Variants in TC2N observed in about 807,000 individuals in gnomAD.
The protein encoded by TC2N is tandem C2 domains, nuclear.
In TC2N, 51 loss-of-function variants were observed where a neutral mutation model predicts 61.9. That is an observed-to-expected ratio of 0.82 (90% CI 0.66 to 1.04). The LOEUF (loss-of-function observed/expected upper bound fraction) is 1.04, where lower values mean the gene tolerates loss of function less well. Among genes scored for constraint, TC2N ranks in the 50% least tolerant of loss-of-function variants. The pLI is 0.00. For synonymous variants in TC2N, 204 were observed against 192.6 expected (o/e 1.06, Z -0.49); for missense variants, 556 against 566.7 (o/e 0.98, Z 0.19).
intron 1 of TC2N, among the ~76,000 whole-genome samples, chr14:91,820,903 A>G (rs574224301): frequency 1.8e-4 from 28 of 152,194 alleles, no homozygotes; most frequent in Admixed American, 1.1e-3. Context: ...AATGAAGTAC[A>G]AGACTTATAC....
intron 11 of TC2N, 152 bp downstream of exon 11, chr14:91,785,010 G>T: frequency 1.9e-6 from 1 of 533,598 alleles, no homozygotes; most frequent in Non-Finnish European, 3.2e-6. Flanking sequence ...CAAAAAGTCT[G>T]ACAAGTTTCG....
chr14:91,854,195 A>G (rs1015006281), intron 1 of TC2N, among the ~76,000 whole-genome samples: 8 of 152,120 alleles, frequency 5.3e-5, no homozygotes, highest in African/African-American at 1.9e-4. Flanking sequence ...CAGACAGGGT[A>G]CTGGCCTAGA....
Position 91,797,846 on chromosome 14 carries a change from T to G in TC2N, c.794A>C (p.Lys265Thr). 6.2e-7 allele frequency: 1 copy of G among 1,611,564 alleles called. No homozygotes were observed. Among genetic ancestry groups the G allele is most frequent in the Non-Finnish European group, 8.5e-7 (1 of 1,178,534 alleles). The change falls in exon 8 of 12, where the codon AAA becomes ACA. Residue 265 changes from lysine (K) to threonine (T), a missense_variant. Transcript: ENST00000435962. ...SYGDTPTVSI[K>T]GILTLPKPVH... ...TGGTTTGGGCAATGTAAGTATTCCT[T>G]TTATAGAAACAGTAGGAGTGTCTCC...
chr14:91,852,207 C>G lies in TC2N; in HGVS notation c.-57+15055G>C, dbSNP rs778842603. ...CTTTGGGAGGCCGAGGCGGGCAGATCACCTGAGGTTGGGAATTTGAGACCA... is the reference window on the plus strand; with the variant it reads ...CTTTGGGAGGCCGAGGCGGGCAGATGACCTGAGGTTGGGAATTTGAGACCA... On this transcript the variant is annotated intron_variant, in intron 1 of 11. Coordinates refer to ENST00000435962, the MANE Select transcript of TC2N (RefSeq NM_001128596.3). Among the ~76,000 whole-genome samples the G allele has an allele frequency of 2.6e-5, 4 of 152,206 alleles. No individual in the cohort carries two copies. The East Asian group carries it at 7.7e-4, about 29-fold the overall frequency.
chr14:91,836,628 G>GCGGGGAAGGGCGAGGCAGA, intron 1 of TC2N: 1 of 129,080 alleles, frequency 7.7e-6, no homozygotes, highest in African/African-American at 2.8e-5. Context: ...GGCGAGGCAG[G>GCGGGGAAGGGCGAGGCAGA]GCGGGGCAGG....
chr14:91,835,768 G>GT (rs1379776496), intron 1 of TC2N, among the ~76,000 whole-genome samples: 2 of 152,200 alleles, frequency 1.3e-5, no homozygotes, highest in Admixed American at 1.3e-4. Context: ...AACATCACAG[G>GT]TAAAAACCCT....
intron 10 of TC2N, among the ~76,000 whole-genome samples, chr14:91,786,177 G>A (rs1478210523): frequency 6.6e-6 from 1 of 152,178 alleles, no homozygotes; most frequent in African/African-American, 2.4e-5. Context: ...ATCCTGATAA[G>A]CTGTTTTAAG....
chr14:91,848,318 T>A (rs1035242889), intron 1 of TC2N, among the ~76,000 whole-genome samples: 8 of 152,092 alleles, frequency 5.3e-5, no homozygotes, highest in African/African-American at 1.9e-4. Flanking sequence ...CCCGGGCACA[T>A]AACTAAGAGA....
chr14:91,860,874 C>T (rs181377948), intron 1 of TC2N, among the ~76,000 whole-genome samples: 2 of 152,294 alleles, frequency 1.3e-5, no homozygotes, highest in Admixed American at 6.5e-5. Context: ...CTGTAATCTG[C>T]GAATCTGTGA....
intron 1 of TC2N, among the ~76,000 whole-genome samples, chr14:91,845,161 G>A (rs1319256565): frequency 6.6e-6 from 1 of 152,082 alleles, no homozygotes; most frequent in South Asian, 2.1e-4. Context: ...CCGGGAGATG[G>A]AGGTTGCAGT....
chr14:91,828,075 G>A (rs1438348003), intron 1 of TC2N, among the ~76,000 whole-genome samples: 3 of 151,744 alleles, frequency 2.0e-5, no homozygotes, highest in Non-Finnish European at 2.9e-5. Context: ...TTCTTGCATC[G>A]CCAACTGTTC....
chr14:91,830,936 T>C (rs1405739785), intron 1 of TC2N, among the ~76,000 whole-genome samples: 1 of 152,156 alleles, frequency 6.6e-6, no homozygotes, highest in Non-Finnish European at 1.5e-5. Flanking sequence ...CAGCCCTTTG[T>C]GGTCCCAGAA....
At chr14:91,801,567 T>C (rs1233984120) in intron 4 of TC2N, among the ~76,000 whole-genome samples, 1 of 152,118 alleles carries the variant, frequency 6.6e-6, no homozygotes, top group Non-Finnish European at 1.5e-5. Context: ...GCAGGGGTGA[T>C]GGGGAGCTGA....
chr14:91,847,371 G>T (rs1888291800), intron 1 of TC2N, among the ~76,000 whole-genome samples: 1 of 152,146 alleles, frequency 6.6e-6, no homozygotes, highest in Non-Finnish European at 1.5e-5. Context: ...ACTGCATCTA[G>T]GCTAACCATA....
At chr14:91,798,603 T>A (rs1000867409) in intron 6 of TC2N, among the ~76,000 whole-genome samples, 9 of 152,042 alleles carry the variant, frequency 5.9e-5, no homozygotes, top group Non-Finnish European at 1.0e-4. Flanking sequence ...AAAGGTCTCA[T>A]GGTTTTAAAA....
intron 1 of TC2N, among the ~76,000 whole-genome samples, chr14:91,848,219 T>G (rs1888306218): frequency 6.6e-6 from 1 of 152,158 alleles, no homozygotes; most frequent in Admixed American, 6.5e-5. Context: ...GCTTATGGGA[T>G]AGAATGGATG....
intron 1 of TC2N, among the ~76,000 whole-genome samples, chr14:91,864,777 CTTTTT>C (rs5810557): frequency 1.4e-5 from 1 of 70,788 alleles, no homozygotes; most frequent in Non-Finnish European, 3.0e-5. Flanking sequence ...CTGCCTTCAT[CTTTTT>C]TTTTTTTTTT....
chr14:91,785,139 GA>G, intron 11 of TC2N, 22 bp downstream of exon 11: 1 of 1,549,814 alleles, frequency 6.5e-7, no homozygotes, highest in Non-Finnish European at 8.9e-7. Context: ...AAAATATAAG[GA>G]AGGATAAAAA....
intron 1 of TC2N, among the ~76,000 whole-genome samples, chr14:91,865,940 A>T (rs1348953579): frequency 2.0e-5 from 3 of 152,196 alleles, no homozygotes; most frequent in Non-Finnish European, 4.4e-5. Flanking sequence ...TAAAGTTATT[A>T]AAAAGTTATT....
Sources: gnomAD v4.1 joint callset for allele counts (sites outside exome capture counted in the v4.1 genomes callset) on GRCh38, gnomAD v4.1.1 for gene constraint, MANE v1.5 for transcripts, NCBI Gene and HGNC (gene_info 2026-07-23, HGNC 2026-07-21) for gene names.